Variants in PLEKHA1 observed in about 807,000 individuals in gnomAD.
The protein encoded by PLEKHA1 is pleckstrin homology domain containing A1, also known as pleckstrin homology domain-containing family A member 1.
PLEKHA1 carries 34 observed loss-of-function variants against 52.0 expected under a neutral mutation model. That is an observed-to-expected ratio of 0.65 (90% CI 0.50 to 0.87). The LOEUF (loss-of-function observed/expected upper bound fraction) is 0.87. Ranked by LOEUF, PLEKHA1 falls within the 40% of genes least tolerant of loss-of-function variation. PLEKHA1 has a pLI of 0.00. For missense variants in PLEKHA1, 497 were observed against 504.2 expected, an observed-to-expected ratio of 0.99 and a Z score of 0.14; for synonymous variants, 163 against 170.7, an observed-to-expected ratio of 0.95 and a Z score of 0.35.
intron 5 of PLEKHA1, among the ~76,000 whole-genome samples, chr10:122,408,012 C>T (rs2097048666): frequency 6.6e-6 from 1 of 152,232 alleles, no homozygotes; most frequent in Non-Finnish European, 1.5e-5. Context: ...CGCACCGCAT[C>T]TGATCTGTAC....
intron 8 of PLEKHA1, chr10:122,423,910 G>A (rs2097299213): frequency 2.8e-6 from 1 of 357,630 alleles, no homozygotes; most frequent in Non-Finnish European, 4.9e-6. Context: ...GTCGGGGAAA[G>A]TCTGATGGCT....
intron 4 of PLEKHA1, among the ~76,000 whole-genome samples, chr10:122,401,387 T>C (rs1417483906): frequency 6.6e-6 from 1 of 152,140 alleles, no homozygotes; most frequent in Non-Finnish European, 1.5e-5. Flanking sequence ...GGTAAGTGTC[T>C]TTTGAACTAC....
intron 1 of PLEKHA1, among the ~76,000 whole-genome samples, chr10:122,385,230 A>G (rs1232104108): frequency 1.3e-5 from 2 of 151,790 alleles, no homozygotes; most frequent in Admixed American, 6.6e-5. Context: ...AATTATTTCT[A>G]TAAATAAATA....
intron 2 of PLEKHA1, 25 bp from the exon 3 acceptor site, chr10:122,397,893 G>A (rs376617943): frequency 1.2e-5 from 19 of 1,520,470 alleles, no homozygotes; most frequent in African/African-American, 8.2e-5. Context: ...TGGATATTAA[G>A]TATATATTAA....
chr10:122,416,914 G>C (rs1031129817), intron 7 of PLEKHA1: 7 of 154,392 alleles, frequency 4.5e-5, no homozygotes, highest in Non-Finnish European at 2.9e-5. Context: ...TTTAGGCTGA[G>C]GAAAATGATG....
chr10:122,398,149 T>C (rs1018026317), intron 3 of PLEKHA1, among the ~76,000 whole-genome samples, 175 bp downstream of exon 3: 2 of 152,102 alleles, frequency 1.3e-5, no homozygotes, highest in African/African-American at 4.8e-5. Flanking sequence ...GATACAGTTA[T>C]GAAGAATATG....
At chr10:122,385,808 A>G (rs2096686116) in intron 1 of PLEKHA1, among the ~76,000 whole-genome samples, 1 of 152,196 alleles carries the variant, frequency 6.6e-6, no homozygotes, top group African/African-American at 2.4e-5. Flanking sequence ...CGCATGTATC[A>G]ATAGTTTGTT....
At chr10:122,394,654 ATATG>A (rs1197535150) in intron 2 of PLEKHA1, among the ~76,000 whole-genome samples, 1 of 152,168 alleles carries the variant, frequency 6.6e-6, no homozygotes, top group Non-Finnish European at 1.5e-5. Flanking sequence ...GACAAGATAT[ATATG>A]TGTCTATAGT....
At chr10:122,392,676 T>C (rs1369454690) in intron 1 of PLEKHA1, among the ~76,000 whole-genome samples, 1 of 152,198 alleles carries the variant, frequency 6.6e-6, no homozygotes, top group Non-Finnish European at 1.5e-5. Context: ...TTAAGTTCCT[T>C]ATCTGCTGGG....
intron 11 of PLEKHA1, 25 bp downstream of exon 11, chr10:122,427,056 A>T (rs754147879): frequency 1.3e-6 from 2 of 1,589,758 alleles, no homozygotes; most frequent in Non-Finnish European, 1.7e-6. Context: ...CTCTGGGGTG[A>T]TACTCCCTTG....
At chr10:122,386,893 AG>A (rs1381288635) in intron 1 of PLEKHA1, 2 of 152,282 alleles carry the variant, frequency 1.3e-5, no homozygotes, top group South Asian at 4.1e-4. Context: ...TAGTAGAAAT[AG>A]GTACTTCAGA....
chr10:122,389,794 G>T (rs1260601156), intron 1 of PLEKHA1, among the ~76,000 whole-genome samples: 1 of 152,220 alleles, frequency 6.6e-6, no homozygotes, highest in African/African-American at 2.4e-5. Flanking sequence ...AGTACAGGCA[G>T]AGTAGACTTT....
At chr10:122,388,714 CT>C (rs1209597117) in intron 1 of PLEKHA1, among the ~76,000 whole-genome samples, 2 of 152,180 alleles carry the variant, frequency 1.3e-5, no homozygotes, top group African/African-American at 4.8e-5. Context: ...TAACAGTCAT[CT>C]CAGCCTCTTC....
chr10:122,441,134 A>G, the PLEKHA1 span: 2 of 152,078 alleles, frequency 1.3e-5, no homozygotes, highest in African/African-American at 2.4e-5. Flanking sequence ...AGGGCAGGCA[A>G]TCTGTTTTAA....
chr10:122,408,897 C>T (rs2097063291), intron 5 of PLEKHA1, among the ~76,000 whole-genome samples: 1 of 152,112 alleles, frequency 6.6e-6, no homozygotes, highest in Admixed American at 6.5e-5. Context: ...TGGGATCACT[C>T]TCATTTTGGT....
intron 5 of PLEKHA1, among the ~76,000 whole-genome samples, chr10:122,407,965 C>G (rs2097047618): frequency 6.6e-6 from 1 of 152,144 alleles, no homozygotes; most frequent in Non-Finnish European, 1.5e-5. Context: ...TTGTTTTGCT[C>G]TAGAACAGCT....
the PLEKHA1 span, chr10:122,442,594 A>T: frequency 6.6e-6 from 1 of 152,154 alleles, no homozygotes; most frequent in African/African-American, 2.4e-5. Context: ...AAAAGCAAAA[A>T]TCACCAGACT....
At chr10:122,425,961 TA>T (rs927415037) in intron 10 of PLEKHA1, among the ~76,000 whole-genome samples, 2 of 152,166 alleles carry the variant, frequency 1.3e-5, no homozygotes, top group East Asian at 1.9e-4. Context: ...CATATATTGT[TA>T]TTTTTTTCCC....
the PLEKHA1 span, chr10:122,437,583 G>C: frequency 6.6e-6 from 1 of 152,264 alleles, no homozygotes; most frequent in Non-Finnish European, 1.5e-5. Context: ...GAAGAAAAGA[G>C]AACCATGGAA....
Sources: allele counts gnomAD v4.1 joint callset (sites outside exome capture counted in the v4.1 genomes callset), GRCh38; gene constraint gnomAD v4.1.1; transcripts MANE v1.5; gene names NCBI Gene and HGNC (gene_info 2026-07-23, HGNC 2026-07-21).